The following PLCL1 variants were observed in gnomAD, a reference collection of about 807,000 sequenced individuals.
The protein encoded by PLCL1 is inactive phospholipase C-like protein 1.
PLCL1 carries 41 observed loss-of-function variants against 84.4 expected under a neutral mutation model. That is an observed-to-expected ratio of 0.49 (90% CI 0.38 to 0.63). PLCL1 has a LOEUF of 0.63. Among genes scored for constraint, PLCL1 ranks in the 30% least tolerant of loss-of-function variants. PLCL1 has a pLI of 0.00. For missense variants in PLCL1, 1,206 were observed against 1,367.8 expected (o/e 0.88, Z 1.87); for synonymous variants, 490 against 488.3 (o/e 1.00, Z -0.05).
At chr2:197,924,131 ACCGTG>A (rs1358050080) in intron 1 of PLCL1, among the ~76,000 whole-genome samples, 6 of 96,672 alleles carry the variant, frequency 6.2e-5, no homozygotes, top group Admixed American at 2.6e-4. Context: ...TGAGAGGGAG[ACCGTG>A]GGGAGAGGGA....
Position 198,083,932 on chromosome 2 carries a change from A to G in PLCL1, c.415A>G (p.Thr139Ala). Residue 139 changes from threonine to alanine, a missense_variant, in exon 2 of 6, where the codon ACA becomes GCA. Physicochemically the swap from Thr to Ala is moderately conservative, Grantham distance 58 (BLOSUM62 0). Transcript: ENST00000428675. The stretch of plus-strand genomic sequence containing the variant: ...TTACAACCGTTTTTTCACTCTGGAC[A>G]CAGACCTTCAAGCTCTTCGCTGGGA... ...RIYNRFFTLD[T>A]DLQALRWEPS... 3 of 1,614,164 alleles carry G rather than the reference A, an allele frequency of 1.9e-6. No homozygotes were observed. Among genetic ancestry groups the G allele is most frequent in the Non-Finnish European group, 2.5e-6 (3 of 1,180,006 alleles).
intron 1 of PLCL1, among the ~76,000 whole-genome samples, chr2:197,959,601 C>A (rs745764711): frequency 5.3e-5 from 8 of 152,034 alleles, no homozygotes; most frequent in Non-Finnish European, 1.0e-4. Context: ...ACCAGTGGAA[C>A]ACACCCTGAA....
At position 197,969,531 on chromosome 2, in the gene PLCL1, A is replaced by C. The variant is rs527850668; in HGVS notation, c.241-114227A>C. On this transcript the variant is annotated intron_variant, in intron 1 of 5. Transcript: ENST00000428675. ...TATCTCTCTCTTACTGAGAGCTTTC[A>C]TCACCTCCATCCTGTGTTGTAGATC... 2.0e-5 allele frequency among the ~76,000 whole-genome samples: 3 copies of C among 152,192 alleles called. No homozygotes were observed. In the East Asian group the frequency reaches 5.8e-4, roughly 29 times the overall value.
Position 198,147,464 on chromosome 2 carries a change from CA to C in PLCL1, c.*505del, listed in dbSNP as rs1177487918. 1 of 152,072 alleles carries C rather than the reference CA, an allele frequency of 6.6e-6. No homozygotes were observed. Among genetic ancestry groups the C allele is most frequent in the African/African-American group, 2.4e-5 (1 of 41,348 alleles). 9.4% of individuals were successfully genotyped at this position (152,072 alleles called of 1,614,324 possible). A position where few individuals can be genotyped will look rare whatever the true frequency, so the allele number is the denominator to read the frequency against. ...TATTATTGAAGGAAGCCAAATTTAT[CA>C]AAGCATAGATGTTTTGGTAGATTAA... is the stretch of plus-strand genomic sequence containing the variant. On this transcript the variant is annotated 3_prime_UTR_variant, in exon 6 of 6. Coordinates refer to ENST00000428675, the MANE Select transcript of PLCL1 (RefSeq NM_006226.4).
At chr2:197,922,293 G>T (rs1688716926) in intron 1 of PLCL1, among the ~76,000 whole-genome samples, 1 of 89,196 alleles carries the variant, frequency 1.1e-5, no homozygotes. Flanking sequence ...ACCCTGAGTG[G>T]ACACAGCACA....
chr2:197,846,848 C>A (rs1326327992), intron 1 of PLCL1, among the ~76,000 whole-genome samples: 1 of 152,010 alleles, frequency 6.6e-6, no homozygotes, highest in East Asian at 1.9e-4. Flanking sequence ...ATGATAGATC[C>A]TCAGGGATGT....
At chr2:198,030,852 CACCTGAGCT>C (rs1347870169) in intron 1 of PLCL1, among the ~76,000 whole-genome samples, 8 of 152,106 alleles carry the variant, frequency 5.3e-5, no homozygotes. Flanking sequence ...TGATGGTAGG[CACCTGAGCT>C]ATTGAGTGTT....
rs45452996 is a variant in PLCL1 at position 198,088,952 on chromosome 2, G to C, written c.2810G>C (p.Ser937Thr). The C allele has an allele frequency of 2.5e-6, 4 of 1,612,792 alleles. No individual in the cohort carries two copies. In the African/African-American group the frequency reaches 4.0e-5, roughly 16 times the overall value. Residue 937 changes from serine to threonine, a missense_variant, in exon 3 of 6, where the codon AGT becomes ACT. Coordinates refer to ENST00000428675, the MANE Select transcript of PLCL1 (RefSeq NM_006226.4). ...LLTLSSRLIT[S>T]DNTPSVSLVM... ...ACTCTGTCATCTCGGCTCATCACCA[G>C]TGACAATACTCCTTCAGTCTCACTT... is the stretch of plus-strand genomic sequence containing the variant.
intron 1 of PLCL1, among the ~76,000 whole-genome samples, chr2:197,816,876 T>C (rs1176356177): frequency 6.6e-6 from 1 of 152,176 alleles, no homozygotes; most frequent in Non-Finnish European, 1.5e-5. Flanking sequence ...GTCTGATCAA[T>C]TAATTTCTTA....
At chr2:197,905,862 T>C (rs552075723) in intron 1 of PLCL1, among the ~76,000 whole-genome samples, 21 of 152,378 alleles carry the variant, frequency 1.4e-4, no homozygotes, top group African/African-American at 4.8e-4. Context: ...GCTGCATAAA[T>C]GTCTTCTTTT....
At chr2:197,962,009 T>G (rs969086989) in intron 1 of PLCL1, among the ~76,000 whole-genome samples, 1 of 152,100 alleles carries the variant, frequency 6.6e-6, no homozygotes, top group African/African-American at 2.4e-5. Context: ...ATCCTTGGAA[T>G]GTATATGGCA....
At chr2:197,943,627 C>CGTTTTTTTTTTT (rs1689209758) in intron 1 of PLCL1, among the ~76,000 whole-genome samples, 1 of 119,208 alleles carries the variant, frequency 8.4e-6, no homozygotes, top group Non-Finnish European at 1.7e-5. Flanking sequence ...TTGGTTACAT[C>CGTTTTTTTTTTT]TTTTTTTTTT....
At chr2:197,991,123 T>C (rs183085206) in intron 1 of PLCL1, among the ~76,000 whole-genome samples, 1 of 152,180 alleles carries the variant, frequency 6.6e-6, no homozygotes, top group East Asian at 1.9e-4. Flanking sequence ...CCTGGTGAAG[T>C]CGGGCATCAT....
chr2:198,034,699 T>C (rs1691513625), intron 1 of PLCL1, among the ~76,000 whole-genome samples: 1 of 152,212 alleles, frequency 6.6e-6, no homozygotes, highest in Non-Finnish European at 1.5e-5. Context: ...ATAGACTTCA[T>C]TCAGATTCTG....
At chr2:198,081,528 T>C (rs1170924482) in intron 1 of PLCL1, among the ~76,000 whole-genome samples, 1 of 152,198 alleles carries the variant, frequency 6.6e-6, no homozygotes, top group Admixed American at 6.5e-5. Context: ...TTTATAGATG[T>C]TTTTTAACTT....
chr2:197,864,349 C>CTT (rs751518994), intron 1 of PLCL1, among the ~76,000 whole-genome samples: 2 of 131,324 alleles, frequency 1.5e-5, no homozygotes, highest in Non-Finnish European at 1.7e-5. Context: ...TCAACTCTTT[C>CTT]TTTTTTTTTT....
chr2:198,093,135 G>T (rs1693090885), intron 3 of PLCL1, among the ~76,000 whole-genome samples: 1 of 152,182 alleles, frequency 6.6e-6, no homozygotes. Flanking sequence ...GCCTTTGAGT[G>T]GGTCAGGGAG....
At chr2:198,053,218 CT>C (rs1313025285) in intron 1 of PLCL1, among the ~76,000 whole-genome samples, 1 of 152,180 alleles carries the variant, frequency 6.6e-6, no homozygotes, top group East Asian at 1.9e-4. Context: ...AATCATTGGC[CT>C]TTTTTGCTGT....
intron 1 of PLCL1, among the ~76,000 whole-genome samples, chr2:197,918,554 T>G (rs1404089974): frequency 6.6e-6 from 1 of 152,234 alleles, no homozygotes; most frequent in African/African-American, 2.4e-5. Flanking sequence ...ATTATTTTTC[T>G]ACAGTCTGAT....
Sources: gnomAD v4.1 joint callset for allele counts (sites outside exome capture counted in the v4.1 genomes callset) on GRCh38, gnomAD v4.1.1 for gene constraint, MANE v1.5 for transcripts, NCBI Gene and HGNC (gene_info 2026-07-23, HGNC 2026-07-21) for gene names.